The following SI variants were observed in gnomAD, a reference collection of about 807,000 sequenced individuals.
SI encodes sucrase-isomaltase, also known as sucrase-isomaltase, intestinal.
SI carries 235 observed loss-of-function variants against 253.3 expected under a neutral mutation model. That is an observed-to-expected ratio of 0.93 (90% CI 0.83 to 1.03). The LOEUF is 1.03. Among genes scored for constraint, SI ranks in the 50% least tolerant of loss-of-function variants. SI has a pLI of 0.00. For synonymous variants in SI, 819 were observed against 712.0 expected (o/e 1.15, Z -2.39); for missense variants, 2,442 against 2,211.1 (o/e 1.10, Z -2.09).
intron 47 of SI, among the ~76,000 whole-genome samples, chr3:164,980,105 T>G (rs1717110014): frequency 6.6e-6 from 1 of 151,854 alleles, no homozygotes; most frequent in African/African-American, 2.4e-5. Context: ...AAGTTTGGAT[T>G]CAGTCATCAA....
intron 47 of SI, among the ~76,000 whole-genome samples, chr3:164,981,177 A>C (rs1010323679): frequency 6.6e-6 from 1 of 152,028 alleles, no homozygotes; most frequent in African/African-American, 2.4e-5. Flanking sequence ...AAAGTTGGGA[A>C]ATTTTATTTT....
chr3:165,076,403 C>A (rs1714975782), intron 1 of SI, among the ~76,000 whole-genome samples: 2 of 92,408 alleles, frequency 2.2e-5, no homozygotes, highest in East Asian at 2.4e-4. Flanking sequence ...TCAATTCTCA[C>A]AACAATTCTA....
intron 34 of SI, among the ~76,000 whole-genome samples, chr3:165,012,767 A>G (rs1370990728): frequency 6.6e-6 from 1 of 152,214 alleles, no homozygotes; most frequent in African/African-American, 2.4e-5. Flanking sequence ...CTTGGATTAA[A>G]TAAAGCAAAA....
At chr3:165,045,567 A>G (rs762317419) in intron 16 of SI, among the ~76,000 whole-genome samples, 8 of 151,850 alleles carry the variant, frequency 5.3e-5, no homozygotes, top group Non-Finnish European at 1.0e-4. Flanking sequence ...TTTTGTTTAC[A>G]TTGTATTAAT....
chr3:165,044,289 C>G (rs777664483), intron 16 of SI, among the ~76,000 whole-genome samples: 7 of 151,850 alleles, frequency 4.6e-5, no homozygotes, highest in Admixed American at 6.6e-5. Context: ...AAAACATATT[C>G]TTATTCTATG....
intron 3 of SI, among the ~76,000 whole-genome samples, chr3:165,072,413 T>TAAC (rs771463356): frequency 5.9e-5 from 9 of 151,598 alleles, no homozygotes; most frequent in South Asian, 2.1e-4. Context: ...TAGCTATAAA[T>TAAC]AACAACAACA....
upstream of SI, among the ~76,000 whole-genome samples, chr3:165,080,643 A>G (rs1715280304): frequency 6.6e-6 from 1 of 152,054 alleles, no homozygotes; most frequent in South Asian, 2.1e-4. Context: ...TCAGCCAACT[A>G]TCGCAAGGAC....
intron 25 of SI, 113 bp from the exon 26 acceptor site, chr3:165,023,889 TACAAA>T: frequency 1.3e-6 from 1 of 780,366 alleles, no homozygotes; most frequent in Non-Finnish European, 2.2e-6. Flanking sequence ...GTTTCATTAA[TACAAA>T]AATGAAATAA....
intron 44 of SI, among the ~76,000 whole-genome samples, chr3:164,987,507 G>A (rs1182480007): frequency 3.3e-5 from 5 of 152,104 alleles, no homozygotes; most frequent in Non-Finnish European, 7.4e-5. Context: ...TCAGGAGTTC[G>A]AGACCATCCT....
chr3:164,996,698 G>A (rs764325020), intron 39 of SI, 40 bp downstream of exon 39: 4 of 1,274,004 alleles, frequency 3.1e-6, no homozygotes, highest in African/African-American at 3.0e-5. Context: ...GTTTATGAAT[G>A]TTTATAATTT....
intron 34 of SI, among the ~76,000 whole-genome samples, chr3:165,011,162 TAA>T (rs567158132): frequency 2.6e-4 from 40 of 152,298 alleles, no homozygotes; most frequent in African/African-American, 9.4e-4. Context: ...CTACTAACTT[TAA>T]GTTTATTCTT....
chr3:165,083,934 C>G, the SI span, among the ~76,000 whole-genome samples: 3 of 151,974 alleles, frequency 2.0e-5, no homozygotes, highest in South Asian at 6.2e-4. Context: ...TGACAAAAGT[C>G]TTATTTGTGT....
chr3:164,993,857 C>T (rs1717889230), intron 41 of SI, among the ~76,000 whole-genome samples: 1 of 151,550 alleles, frequency 6.6e-6, no homozygotes, highest in Admixed American at 6.6e-5. Flanking sequence ...GAATGGTCTC[C>T]AGTAAGACAT....
upstream of SI, among the ~76,000 whole-genome samples, chr3:165,079,010 G>A (rs951911103): frequency 1.4e-4 from 21 of 151,522 alleles, no homozygotes; most frequent in African/African-American, 5.1e-4. Flanking sequence ...ACATAAAATA[G>A]AGGTGCCCAG....
intron 33 of SI, among the ~76,000 whole-genome samples, chr3:165,013,685 A>T (rs934025717): frequency 5.9e-5 from 9 of 152,192 alleles, no homozygotes; most frequent in Non-Finnish European, 1.2e-4. Flanking sequence ...ATATAAAAAT[A>T]TAAATAATCC....
chr3:165,011,128 C>T (rs1330576399), intron 34 of SI, among the ~76,000 whole-genome samples: 1 of 151,964 alleles, frequency 6.6e-6, no homozygotes, highest in Non-Finnish European at 1.5e-5. Context: ...AATTTTTACT[C>T]CTCTAATCTT....
intron 21 of SI, among the ~76,000 whole-genome samples, chr3:165,036,955 T>C (rs1364161091): frequency 2.0e-5 from 3 of 151,674 alleles, no homozygotes; most frequent in East Asian, 1.9e-4. Flanking sequence ...TAATGAGATG[T>C]AGTCAAGAAA....
chr3:165,012,911 T>A (rs1718834572), intron 34 of SI, 69 bp downstream of exon 34: 2 of 953,752 alleles, frequency 2.1e-6, no homozygotes, highest in Admixed American at 3.4e-5. Flanking sequence ...AATTTAGTTA[T>A]TGATTAAAAT....
At chr3:164,984,923 G>T (rs2108113073) in intron 45 of SI, among the ~76,000 whole-genome samples, 1 of 152,128 alleles carries the variant, frequency 6.6e-6, no homozygotes, top group East Asian at 1.9e-4. Flanking sequence ...TGCTATATAT[G>T]GTTTTCGCTG....
Sources: allele counts gnomAD v4.1 joint callset (sites outside exome capture counted in the v4.1 genomes callset), GRCh38; gene constraint gnomAD v4.1.1; transcripts MANE v1.5; gene names NCBI Gene and HGNC (gene_info 2026-07-23, HGNC 2026-07-21).